The following SDK1 variants were observed in gnomAD, a reference collection of about 807,000 sequenced individuals.
SDK1 encodes protein sidekick-1.
SDK1 carries 157 observed loss-of-function variants against 245.5 expected under a neutral mutation model. The observed-to-expected ratio is 0.64, with a 90% CI of 0.56 to 0.73. The LOEUF (loss-of-function observed/expected upper bound fraction) is 0.73, where lower values mean the gene tolerates loss of function less well. SDK1 is among the 30% of genes least tolerant of loss of function. SDK1 has a pLI of 0.00. For missense variants in SDK1, 3,583 were observed against 3,002.3 expected, an observed-to-expected ratio of 1.19 and a Z score of -4.52; for synonymous variants, 1,647 against 1,278.5, an observed-to-expected ratio of 1.29 and a Z score of -6.15.
chr7:3,926,118 A>G (rs759684651), intron 5 of SDK1, among the ~76,000 whole-genome samples: 16 of 152,094 alleles, frequency 1.1e-4, no homozygotes, highest in Non-Finnish European at 2.4e-4. Context: ...ACCTGGATAA[A>G]TCCCTTTTTG....
At chr7:3,955,880 T>C (rs1781219805) in intron 7 of SDK1, among the ~76,000 whole-genome samples, 1 of 152,112 alleles carries the variant, frequency 6.6e-6, no homozygotes, top group African/African-American at 2.4e-5. Context: ...TTGGGGGCAG[T>C]CTGGGAGGTC....
intron 14 of SDK1, among the ~76,000 whole-genome samples, chr7:3,995,368 C>T (rs1037055634): frequency 6.6e-6 from 1 of 152,046 alleles, no homozygotes; most frequent in Non-Finnish European, 1.5e-5. Flanking sequence ...AGGGGTGCCA[C>T]ACCCACCCCC....
At chr7:3,837,072 C>A (rs1474966062) in intron 5 of SDK1, among the ~76,000 whole-genome samples, 2 of 152,196 alleles carry the variant, frequency 1.3e-5, no homozygotes, top group African/African-American at 4.8e-5. Flanking sequence ...TCTCATTTAA[C>A]CTGAGTCACT....
chr7:3,732,481 C>T (rs1484146000), intron 4 of SDK1, among the ~76,000 whole-genome samples: 2 of 152,176 alleles, frequency 1.3e-5, no homozygotes, highest in African/African-American at 2.4e-5. Context: ...CATTTGCATC[C>T]ATCATCTCTT....
chr7:4,180,971 A>G (rs1028852220), intron 35 of SDK1, among the ~76,000 whole-genome samples: 112 of 152,312 alleles, frequency 7.4e-4, no homozygotes, highest in East Asian at 5.8e-4. Flanking sequence ...TAAGATGCGT[A>G]TAACATGGAA....
At chr7:3,431,180 C>T (rs1394107633) in intron 1 of SDK1, among the ~76,000 whole-genome samples, 1 of 152,078 alleles carries the variant, frequency 6.6e-6, no homozygotes, top group Non-Finnish European at 1.5e-5. Context: ...GGATTACAGG[C>T]GTGAGGCACC....
intron 7 of SDK1, chr7:3,958,209 TCAC>T: frequency 3.1e-6 from 1 of 321,702 alleles, no homozygotes; most frequent in Non-Finnish European, 6.0e-6. Flanking sequence ...GATAATGAAA[TCAC>T]CACCACCTTA....
At chr7:3,989,482 C>T (rs943572653) in intron 14 of SDK1, among the ~76,000 whole-genome samples, 1 of 152,184 alleles carries the variant, frequency 6.6e-6, no homozygotes, top group South Asian at 2.1e-4. Flanking sequence ...GGGTCTCCTT[C>T]CCTGAGCCTC....
In SDK1 at chr7:3,959,009, C is replaced by G; in HGVS notation, c.1229C>G (p.Ala410Gly). Residue 410 changes from alanine (A) to glycine (G), a missense_variant, in exon 8 of 45, where the codon GCC (alanine) becomes GGC (glycine). Transcript: ENST00000404826. ...GAAACTGTGGACATCGGATGTCAAG[C>G]CATGGGTGAGTGCAGAGTGGCTGCT... ...VEETVDIGCQ[A>G]MGVPLPTLQW... The G allele has an allele frequency of 6.2e-7, 1 of 1,612,680 alleles. No individual in the cohort carries two copies. Among genetic ancestry groups the G allele is most frequent in the Non-Finnish European group, 8.5e-7 (1 of 1,178,752 alleles).
At chr7:3,858,596 A>T (rs1007460159) in intron 5 of SDK1, among the ~76,000 whole-genome samples, 2 of 151,866 alleles carry the variant, frequency 1.3e-5, no homozygotes, top group African/African-American at 4.8e-5. Context: ...TGTGTATAAG[A>T]CCCAGGGTTT....
rs1029503924 is a variant in SDK1, at chr7:4,157,546, G to A, written c.4626-902G>A. 1.3e-4 allele frequency among the ~76,000 whole-genome samples: 20 copies of A among 151,696 alleles called. 1 individual carries two copies. Among genetic ancestry groups the A allele is most frequent in the Non-Finnish European group, 8.8e-5 (6 of 67,952 alleles). On this transcript the variant is annotated intron_variant, in intron 30 of 44. Transcript: ENST00000404826. ...GAGGGAGGGAGGAAGGAAGGTGGGTGGGCAGATGGAAGCGGGCCCGAAGTG... is the reference window on the plus strand; with the variant it reads ...GAGGGAGGGAGGAAGGAAGGTGGGTAGGCAGATGGAAGCGGGCCCGAAGTG...
intron 1 of SDK1, among the ~76,000 whole-genome samples, chr7:3,546,637 G>A (rs925645192): frequency 4.0e-5 from 6 of 151,884 alleles, no homozygotes; most frequent in East Asian, 1.9e-4. Flanking sequence ...AGAAAGACAC[G>A]CTGTGGTGGG....
At chr7:3,505,503 G>T (rs1782365545) in intron 1 of SDK1, among the ~76,000 whole-genome samples, 1 of 152,050 alleles carries the variant, frequency 6.6e-6, no homozygotes, top group Non-Finnish European at 1.5e-5. Flanking sequence ...CTCCCACCTA[G>T]GCCTCCCATA....
chr7:3,370,114 T>C (rs538951131), intron 1 of SDK1, among the ~76,000 whole-genome samples: 1 of 152,356 alleles, frequency 6.6e-6, no homozygotes. Context: ...TTAGACCTGA[T>C]TGTGAATGGA....
chr7:3,536,258 G>T (rs1445368872), intron 1 of SDK1, among the ~76,000 whole-genome samples: 2 of 151,534 alleles, frequency 1.3e-5, no homozygotes, highest in Admixed American at 6.6e-5. Flanking sequence ...ACTAGAGACG[G>T]GGTTGCACCA....
intron 35 of SDK1, among the ~76,000 whole-genome samples, chr7:4,188,687 A>C (rs554108399): frequency 2.0e-5 from 3 of 152,054 alleles, no homozygotes; most frequent in Admixed American, 2.0e-4. Flanking sequence ...ATCAAAAAAA[A>C]AAAGAAAGAA....
At chr7:3,377,647 C>T (rs1328435762) in intron 1 of SDK1, among the ~76,000 whole-genome samples, 2 of 152,144 alleles carry the variant, frequency 1.3e-5, no homozygotes, top group Non-Finnish European at 1.5e-5. Flanking sequence ...ATGTCCACAC[C>T]TGAAGCTCTC....
intron 22 of SDK1, among the ~76,000 whole-genome samples, chr7:4,106,438 G>T (rs1782915226): frequency 1.3e-5 from 2 of 152,068 alleles, no homozygotes; most frequent in Admixed American, 6.5e-5. Flanking sequence ...CAAGTAGCTG[G>T]GTCTACAGGC....
At chr7:3,789,360 C>A (rs1296993778) in intron 4 of SDK1, among the ~76,000 whole-genome samples, 1 of 152,170 alleles carries the variant, frequency 6.6e-6, no homozygotes, top group African/African-American at 2.4e-5. Flanking sequence ...GTTGGTCAGG[C>A]TGGTCTCCAA....
Sources: allele counts gnomAD v4.1 joint callset (sites outside exome capture counted in the v4.1 genomes callset), GRCh38; gene constraint gnomAD v4.1.1; transcripts MANE v1.5; gene names NCBI Gene and HGNC (gene_info 2026-07-23, HGNC 2026-07-21).